Variants in SORBS2 observed in about 807,000 individuals in gnomAD.
The protein encoded by SORBS2 is sorbin and SH3 domain-containing protein 2.
SORBS2 carries 46 observed loss-of-function variants against 97.7 expected under a neutral mutation model. The observed-to-expected ratio is 0.47, with a 90% CI of 0.37 to 0.60. The LOEUF (loss-of-function observed/expected upper bound fraction) is 0.60, where lower values mean the gene tolerates loss of function less well. Ranked by LOEUF, SORBS2 falls within the 20% of genes least tolerant of loss-of-function variation. SORBS2 has a pLI of 0.00. For missense variants in SORBS2, 1,316 were observed against 1,282.3 expected, an observed-to-expected ratio of 1.03 and a Z score of -0.40; for synonymous variants, 476 against 473.4, an observed-to-expected ratio of 1.01 and a Z score of -0.07.
At position 185,679,062 on chromosome 4, in the gene SORBS2, C is replaced by T. The variant is rs548328414; in HGVS notation, c.-197-240G>A. Among the ~76,000 whole-genome samples the T allele has an allele frequency of 8.8e-4, 134 of 152,056 alleles. 1 individual carries two copies. Among genetic ancestry groups the T allele is most frequent in the Non-Finnish European group, 1.4e-3 (93 of 67,980 alleles). On this transcript the variant is annotated intron_variant, in intron 2 of 20. Coordinates refer to the SORBS2 transcript ENST00000284776. ...TATATAGTAAACACTCATTTTTCCC[C>T]TCAATAATGTTGCAACATGCAATTT...
At chr4:185,650,662 T>C (rs533743250) in intron 2 of SORBS2, among the ~76,000 whole-genome samples, 4 of 152,328 alleles carry the variant, frequency 2.6e-5, no homozygotes, top group South Asian at 4.1e-4. Flanking sequence ...TGAAAGTCCA[T>C]GCACATTTCC....
chr4:185,908,313 ATATATATATT>A (rs1294017057), intron 1 of SORBS2, among the ~76,000 whole-genome samples: 10 of 132,156 alleles, frequency 7.6e-5, no homozygotes, highest in African/African-American at 1.1e-4. Context: ...ATATATATAT[ATATATATATT>A]TGTATACACA....
chr4:185,853,447 A>C (rs1470982310), intron 1 of SORBS2, among the ~76,000 whole-genome samples: 1 of 152,180 alleles, frequency 6.6e-6, no homozygotes, highest in Non-Finnish European at 1.5e-5. Flanking sequence ...GCACCCCAAG[A>C]AATGTACTTG....
At chr4:185,862,788 T>C (rs1197180742) in intron 1 of SORBS2, among the ~76,000 whole-genome samples, 2 of 152,202 alleles carry the variant, frequency 1.3e-5, no homozygotes, top group African/African-American at 4.8e-5. Context: ...GTCCCCCTCT[T>C]GTTTCCCCTC....
chr4:185,668,067 C>A (rs1397987064), intron 4 of SORBS2, among the ~76,000 whole-genome samples: 1 of 152,020 alleles, frequency 6.6e-6, no homozygotes, highest in African/African-American at 2.4e-5. Flanking sequence ...TGAAATAATA[C>A]AAATCATACA....
At chr4:185,638,138 T>C (rs780563986) in intron 4 of SORBS2, 3 of 1,610,666 alleles carry the variant, frequency 1.9e-6, no homozygotes, top group East Asian at 4.5e-5. Flanking sequence ...TCTAAATCTA[T>C]GTCATCTGGA....
intron 2 of SORBS2, 96 bp downstream of exon 10, chr4:185,652,566 G>T (rs905500580): frequency 2.1e-6 from 2 of 944,896 alleles, no homozygotes; most frequent in Non-Finnish European, 1.7e-6. Context: ...GTTTGCTGGG[G>T]TCTTGACATT....
intron 4 of SORBS2, among the ~76,000 whole-genome samples, chr4:185,671,072 GC>G (rs1324747245): frequency 1.3e-5 from 2 of 152,196 alleles, no homozygotes; most frequent in African/African-American, 4.8e-5. Flanking sequence ...GAGGGTAGCT[GC>G]CTGGCCATTG....
At chr4:185,649,620 G>C (rs747490926) in exon 3 of SORBS2, 44 of 1,579,130 alleles carry the variant, frequency 2.8e-5, no homozygotes, top group Non-Finnish European at 3.6e-5. Context: ...CTTTGCAGCA[G>C]GGTGTGACTG....
intron 1 of SORBS2, among the ~76,000 whole-genome samples, chr4:185,776,340 T>C (rs2310357): frequency 0.64 from 96,764 of 152,032 alleles, 32,387 homozygotes; most frequent in South Asian, 0.77. Flanking sequence ...TCTCTTTCTA[T>C]TGTGGATGAA....
intron 1 of SORBS2, among the ~76,000 whole-genome samples, chr4:185,655,902 C>A (rs141313429): frequency 1.3e-5 from 2 of 152,300 alleles, no homozygotes; most frequent in African/African-American, 4.8e-5. Flanking sequence ...AAAATCCTCT[C>A]AGACAGAATC....
In SORBS2 at chr4:185,692,449, G is replaced by A. The variant is rs76251170; in HGVS notation, c.-197-13627C>T. The stretch of plus-strand genomic sequence containing the variant: ...AGTCTCTAAAAAGAGCAGCAAATGA[G>A]CTTCCTGGCTTTCTTGCCTTTGTCT... On this transcript the variant is annotated intron_variant, in intron 2 of 20. Coordinates refer to the SORBS2 transcript ENST00000284776. Among the ~76,000 whole-genome samples the A allele has an allele frequency of 3.0e-4, 46 of 152,314 alleles. No homozygotes were observed. The East Asian group carries it at 7.7e-3, about 26-fold the overall frequency.
At chr4:185,659,829 G>A (rs1029763778), upstream of SORBS2, among the ~76,000 whole-genome samples, 3 of 152,130 alleles carry the variant, frequency 2.0e-5, no homozygotes, top group Non-Finnish European at 2.9e-5. Context: ...TTTTATTAGC[G>A]ACGAATGTTT....
chr4:185,778,344 G>A (rs2099010295), intron 1 of SORBS2, among the ~76,000 whole-genome samples: 1 of 152,110 alleles, frequency 6.6e-6, no homozygotes, highest in Admixed American at 6.6e-5. Flanking sequence ...AAATTCCCGG[G>A]TGATTCTTGA....
intron 4 of SORBS2, among the ~76,000 whole-genome samples, chr4:185,671,063 AG>A (rs940783303): frequency 2.6e-5 from 4 of 152,162 alleles, no homozygotes; most frequent in African/African-American, 9.7e-5. Context: ...AGAAGGATGG[AG>A]GGTAGCTGCC....
At chr4:185,898,612 A>C (rs2099246098) in intron 1 of SORBS2, among the ~76,000 whole-genome samples, 1 of 152,224 alleles carries the variant, frequency 6.6e-6, no homozygotes, top group Non-Finnish European at 1.5e-5. Flanking sequence ...AACGCAAATG[A>C]AACTAACTAG....
At chr4:185,712,023 T>A (rs2153547673) in intron 2 of SORBS2, among the ~76,000 whole-genome samples, 1 of 152,266 alleles carries the variant, frequency 6.6e-6, no homozygotes, top group Admixed American at 6.5e-5. Context: ...CAGATCCTAC[T>A]GATATGAACA....
At chr4:185,767,897 A>C (rs2098946009) in intron 2 of SORBS2, among the ~76,000 whole-genome samples, 1 of 152,184 alleles carries the variant, frequency 6.6e-6, no homozygotes, top group African/African-American at 2.4e-5. Flanking sequence ...GCACCTTCCC[A>C]GGGGCTTTGC....
At chr4:185,837,200 T>C (rs1399094522) in intron 1 of SORBS2, among the ~76,000 whole-genome samples, 1 of 152,108 alleles carries the variant, frequency 6.6e-6, no homozygotes, top group Non-Finnish European at 1.5e-5. Flanking sequence ...GCCAAGTTTA[T>C]ATGGATTTTT....
Sources: gnomAD v4.1 joint callset for allele counts (sites outside exome capture counted in the v4.1 genomes callset) on GRCh38, gnomAD v4.1.1 for gene constraint, MANE v1.5 for transcripts, NCBI Gene and HGNC (gene_info 2026-07-23, HGNC 2026-07-21) for gene names.